GARS1: variants seen among roughly 807,000 people sequenced by gnomAD.
GARS1 encodes the protein glycine--tRNA ligase.
A neutral mutation model predicts 86.4 loss-of-function variants in GARS1; 46 were observed. The observed-to-expected ratio is 0.53, with a 90% CI of 0.42 to 0.68. The LOEUF (loss-of-function observed/expected upper bound fraction) is 0.68. Ranked by LOEUF, GARS1 falls within the 30% of genes least tolerant of loss-of-function variation. GARS1 has a pLI of 0.00. For missense variants in GARS1, 797 were observed against 915.6 expected, an observed-to-expected ratio of 0.87 and a Z score of 1.67; for synonymous variants, 342 against 329.8, an observed-to-expected ratio of 1.04 and a Z score of -0.40.
At chr7:30,631,273 T>C (rs1405332976) in intron 14 of GARS1, 175 bp from the exon 15 acceptor site, 1 of 524,348 alleles carries the variant, frequency 1.9e-6, no homozygotes, top group East Asian at 3.7e-5. Flanking sequence ...GTGTTTCTGA[T>C]GCTGGTTCTG....
At chr7:30,598,047 C>T (rs978002412) in intron 1 of GARS1, among the ~76,000 whole-genome samples, 1 of 152,016 alleles carries the variant, frequency 6.6e-6, no homozygotes, top group Non-Finnish European at 1.5e-5. Flanking sequence ...GAAGATGAGC[C>T]AGCAGTGACT....
intron 9 of GARS1, among the ~76,000 whole-genome samples, chr7:30,616,590 C>A (rs182686544): frequency 6.6e-6 from 1 of 152,164 alleles, no homozygotes; most frequent in African/African-American, 2.4e-5. Context: ...CAAGGTTGGA[C>A]GATAGCTTGT....
intron 14 of GARS1, among the ~76,000 whole-genome samples, chr7:30,629,981 C>A (rs1000372233): frequency 1.2e-4 from 19 of 152,272 alleles, no homozygotes; most frequent in Admixed American, 6.5e-5. Context: ...ATAGAAATTT[C>A]GTAAGGGCTA....
At chr7:30,620,246 G>A in intron 10 of GARS1, among the ~76,000 whole-genome samples, 1 of 152,116 alleles carries the variant, frequency 6.6e-6, no homozygotes, top group South Asian at 2.1e-4. Context: ...CATAGTTGGG[G>A]TTTCTATAAG....
At chr7:30,615,848 T>C (rs1782879487) in intron 8 of GARS1, 48 bp from the exon 9 acceptor site, 1 of 1,604,096 alleles carries the variant, frequency 6.2e-7, no homozygotes, top group Admixed American at 1.7e-5. Flanking sequence ...GTTTGTTTGT[T>C]TTTTGTAGTT....
At chr7:30,620,710 C>T (rs1782986454) in intron 10 of GARS1, among the ~76,000 whole-genome samples, 1 of 152,176 alleles carries the variant, frequency 6.6e-6, no homozygotes, top group Non-Finnish European at 1.5e-5. Context: ...CTGAACTTTA[C>T]CCACTCTTAT....
intron 1 of GARS1, among the ~76,000 whole-genome samples, chr7:30,598,204 T>A (rs1791297137): frequency 6.6e-6 from 1 of 152,082 alleles, no homozygotes; most frequent in Non-Finnish European, 1.5e-5. Flanking sequence ...TACTTTTTAA[T>A]CAATGCTTTT....
intron 14 of GARS1, among the ~76,000 whole-genome samples, chr7:30,630,860 A>G (rs1274673289): frequency 1.3e-5 from 2 of 152,184 alleles, no homozygotes; most frequent in Non-Finnish European, 2.9e-5. Context: ...ATTTCAGGGC[A>G]GTTTAAGAAG....
chr7:30,623,720 A>C (rs2128135357), intron 12 of GARS1, among the ~76,000 whole-genome samples: 1 of 152,320 alleles, frequency 6.6e-6, no homozygotes, highest in Middle Eastern at 3.4e-3. Flanking sequence ...CAGATTCAAG[A>C]AGCTTAGCCC....
chr7:30,619,769 T>G (rs1457927158), intron 10 of GARS1, among the ~76,000 whole-genome samples: 1 of 144,124 alleles, frequency 6.9e-6, no homozygotes, highest in Non-Finnish European at 1.5e-5. Context: ...TAGTTTTTTC[T>G]TTTTTTCTTT....
Position 30,621,663 on chromosome 7 carries a change from C to G in GARS1, c.1467+163C>G, listed in dbSNP as rs140245380. ...ATTTTACCTATCCCTTTGTTCCTTT[C>G]CTATTCTCTGTACTTGTAGTCTGAC... On this transcript the variant is annotated intron_variant, in intron 11 of 16. Coordinates refer to ENST00000389266, the MANE Select transcript of GARS1 (RefSeq NM_002047.4). 5.0e-4 allele frequency: 344 copies of G among 681,406 alleles called. 3 individuals are homozygous for G. The East Asian group carries it at 8.2e-3, about 16-fold the overall frequency. The allele number at this position is 681,406 out of a possible 1,614,324, so 42.2% of individuals were successfully genotyped here.
At chr7:30,625,366 A>T (rs12532057) in intron 12 of GARS1, among the ~76,000 whole-genome samples, 73,590 of 152,094 alleles carry the variant, frequency 0.48, 21,468 homozygotes, top group Non-Finnish European at 0.65. Flanking sequence ...CTTCAGACAG[A>T]ATAGTAAAAA....
intron 11 of GARS1, 197 bp downstream of exon 11, chr7:30,621,697 A>G (rs997649218): frequency 1.6e-6 from 1 of 610,456 alleles, no homozygotes; most frequent in African/African-American, 1.8e-5. Context: ...ACGTGTGCCC[A>G]CTCAATGTTT....
At chr7:30,595,504 G>A (rs940567334) in intron 1 of GARS1, among the ~76,000 whole-genome samples, 12 of 152,274 alleles carry the variant, frequency 7.9e-5, no homozygotes, top group African/African-American at 2.6e-4. Flanking sequence ...CCTCCTAACT[G>A]AATAACCTTA....
Position 30,634,018 on chromosome 7 carries a change from A to C in GARS1, c.*158A>C, listed in dbSNP as rs1201196728. 1.1e-6 allele frequency: 1 copy of C among 879,196 alleles called. No homozygotes were observed. The highest frequency in any genetic ancestry group is 1.7e-5 in the African/African-American group (1 of 58,500). 54.5% of individuals were successfully genotyped at this position (879,196 alleles called of 1,614,324 possible). A position where few individuals can be genotyped will look rare whatever the true frequency, so the allele number is the denominator to read the frequency against. On this transcript the variant is annotated 3_prime_UTR_variant, in exon 17 of 17. Transcript: ENST00000389266. ...ATTTTACCCCCACAATTAAAGTTGA[A>C]GGAATCCTGAACAAACTTGTGATCT...
chr7:30,617,487 G>C (rs539610753), intron 10 of GARS1, among the ~76,000 whole-genome samples: 1 of 152,334 alleles, frequency 6.6e-6, no homozygotes, highest in East Asian at 1.9e-4. Flanking sequence ...CTGAGAGACA[G>C]AGTTAGTGTA....
At chr7:30,613,304 C>T (rs1782808151) in intron 8 of GARS1, among the ~76,000 whole-genome samples, 1 of 152,192 alleles carries the variant, frequency 6.6e-6, no homozygotes, top group East Asian at 1.9e-4. Context: ...CCCCTCTGAG[C>T]TTTCATGTAA....
chr7:30,601,792 T>C (rs1041450538), intron 4 of GARS1, among the ~76,000 whole-genome samples: 1 of 152,028 alleles, frequency 6.6e-6, no homozygotes, highest in South Asian at 2.1e-4. Context: ...TTTTTTTGTG[T>C]GTGTGAGATG....
intron 1 of GARS1, among the ~76,000 whole-genome samples, chr7:30,597,427 C>G (rs980867813): frequency 6.6e-6 from 1 of 152,172 alleles, no homozygotes; most frequent in Non-Finnish European, 1.5e-5. Context: ...TTATCCGAAA[C>G]GGCTTTTAAA....
Sources: allele counts gnomAD v4.1 joint callset (sites outside exome capture counted in the v4.1 genomes callset), GRCh38; gene constraint gnomAD v4.1.1; transcripts MANE v1.5; gene names NCBI Gene and HGNC (gene_info 2026-07-23, HGNC 2026-07-21).